The following STK3 variants were observed in gnomAD, a reference collection of about 807,000 sequenced individuals.
The protein encoded by STK3 is serine/threonine-protein kinase 3.
A neutral mutation model predicts 58.0 loss-of-function variants in STK3; 41 were observed. The ratio of observed to expected loss-of-function variants is 0.71; its 90% CI spans 0.55 to 0.92. The LOEUF is 0.92. Among genes scored for constraint, STK3 ranks in the 40% least tolerant of loss-of-function variants. The probability of loss-of-function intolerance (pLI) is 0.00; values close to 1 mark genes in which losing one functional copy is unlikely to be tolerated. For missense variants in STK3, 479 were observed against 602.7 expected (o/e 0.79, Z 2.15); for synonymous variants, 170 against 191.0 (o/e 0.89, Z 0.91).
chr8:98,917,127 C>T (rs35082816), intron 1 of STK3, among the ~76,000 whole-genome samples: 23,562 of 152,162 alleles, frequency 0.15, 2,048 homozygotes, highest in African/African-American at 0.23. Context: ...AGAAAACAGA[C>T]GGAAACCAGT....
In STK3 at chr8:98,428,130, T is replaced by C; in HGVS notation, n.483+5997A>G. Reference sequence around the variant, plus strand: ...CCTGGGCCGCTTGCTGCTCTGCCACTCGCGCGAGGCCATTCTGGAGCTCTG... The same window carrying C: ...CCTGGGCCGCTTGCTGCTCTGCCACCCGCGCGAGGCCATTCTGGAGCTCTG... On this transcript the variant is annotated intron_variant and non_coding_transcript_variant, in intron 3 of 3. Coordinates refer to the STK3 transcript ENST00000517832. The surrounding 1 kb of genome is among the most constrained non-coding windows in gnomAD (Gnocchi z 6.7). 1.2e-6 allele frequency: 2 copies of C among 1,613,850 alleles called. No individual in the cohort carries two copies. Among genetic ancestry groups the C allele is most frequent in the Non-Finnish European group, 1.7e-6 (2 of 1,179,988 alleles).
At chr8:98,757,227 C>T (rs2131390373) in intron 3 of STK3, among the ~76,000 whole-genome samples, 1 of 151,250 alleles carries the variant, frequency 6.6e-6, no homozygotes, top group South Asian at 2.1e-4. Context: ...GTCGCCCAGG[C>T]TAGAGTGCAT....
chr8:98,570,818 A>C (rs1812902193), intron 8 of STK3, among the ~76,000 whole-genome samples: 1 of 152,316 alleles, frequency 6.6e-6, no homozygotes, highest in African/African-American at 2.4e-5. Flanking sequence ...TAACAACTCT[A>C]TTTGCAGATG....
chr8:98,460,341 C>T (rs1408171408), intron 10 of STK3, among the ~76,000 whole-genome samples: 1 of 152,188 alleles, frequency 6.6e-6, no homozygotes. Flanking sequence ...TTATCCAATG[C>T]CTGTACCCCC....
chr8:98,599,984 G>A lies in STK3; in HGVS notation c.685-3815C>T, dbSNP rs185287093. Among the ~76,000 whole-genome samples the A allele has an allele frequency of 7.6e-4, 116 of 152,158 alleles. 1 individual carries two copies. The highest frequency in any genetic ancestry group is 2.8e-3 in the African/African-American group (115 of 41,530). ...ACTCCATCTAAAAAAGAAAAAAAATGTGAATCTAAATTTTTATCACCATTC... is the reference window on the plus strand; with the variant it reads ...ACTCCATCTAAAAAAGAAAAAAAATATGAATCTAAATTTTTATCACCATTC... On this transcript the variant is annotated intron_variant, in intron 6 of 10. Transcript: ENST00000419617.
intron 10 of STK3, among the ~76,000 whole-genome samples, chr8:98,517,730 C>A (rs1406140049): frequency 2.0e-5 from 3 of 151,948 alleles, no homozygotes; most frequent in Admixed American, 6.6e-5. Context: ...TTTTTGAAAT[C>A]GAATGCTTTA....
intron 1 of STK3, among the ~76,000 whole-genome samples, chr8:98,780,434 G>C (rs1336608740): frequency 6.6e-6 from 1 of 152,034 alleles, no homozygotes; most frequent in African/African-American, 2.4e-5. Flanking sequence ...TCACCTACTT[G>C]TTCTTTGCTC....
In STK3 at chr8:98,820,794, G is replaced by A. The variant is rs561560909; in HGVS notation, c.26+4721C>T. On this transcript the variant is annotated intron_variant, in intron 1 of 10. Coordinates refer to ENST00000419617, the MANE Select transcript of STK3 (RefSeq NM_006281.4). ...AGATCGAGACCATCCTGGCTAACAC[G>A]GTAAAACCCCATCTCTACTAAAAAT... Among the ~76,000 whole-genome samples, 8 of 152,210 alleles carry A rather than the reference G, an allele frequency of 5.3e-5. No individual in the cohort carries two copies. The South Asian group carries it at 1.0e-3, about 20-fold the overall frequency.
chr8:98,587,991 T>C (rs1397940685), intron 7 of STK3, among the ~76,000 whole-genome samples: 2 of 152,210 alleles, frequency 1.3e-5, no homozygotes, highest in African/African-American at 4.8e-5. Flanking sequence ...CCTATGTGTG[T>C]CTCTGCACGT....
chr8:98,898,096 G>A (rs1330034118), intron 1 of STK3, among the ~76,000 whole-genome samples: 1 of 152,182 alleles, frequency 6.6e-6, no homozygotes, highest in Admixed American at 6.5e-5. Context: ...GGTTTGCTAG[G>A]AGAAGAAGCA....
chr8:98,881,013 T>A (rs73277897), downstream of STK3: 1 of 152,222 alleles, frequency 6.6e-6, no homozygotes, highest in Non-Finnish European at 1.5e-5. Context: ...AACCTGCATA[T>A]GAATGTTTAG....
At chr8:98,751,113 A>C (rs1829947472) in intron 3 of STK3, among the ~76,000 whole-genome samples, 1 of 152,204 alleles carries the variant, frequency 6.6e-6, no homozygotes, top group Non-Finnish European at 1.5e-5. Context: ...CAAAATAATA[A>C]GAGCCATATA....
chr8:98,471,541 A>T (rs1276265132), intron 10 of STK3, among the ~76,000 whole-genome samples: 3 of 152,066 alleles, frequency 2.0e-5, no homozygotes, highest in African/African-American at 7.2e-5. Context: ...CATCTAACGC[A>T]AAGCCTATTT....
chr8:98,671,475 T>C (rs1797601518), intron 6 of STK3, among the ~76,000 whole-genome samples: 2 of 152,176 alleles, frequency 1.3e-5, no homozygotes, highest in Non-Finnish European at 2.9e-5. Context: ...GGAAATAAAA[T>C]ATTTTATATT....
intron 1 of STK3, among the ~76,000 whole-genome samples, chr8:98,935,608 G>T (rs1377331489): frequency 1.3e-5 from 2 of 152,084 alleles, no homozygotes; most frequent in African/African-American, 2.4e-5. Context: ...TATAATGCAT[G>T]GTACTGTATT....
chr8:98,618,403 C>T (rs1817953002), intron 6 of STK3, among the ~76,000 whole-genome samples: 1 of 152,078 alleles, frequency 6.6e-6, no homozygotes, highest in Admixed American at 6.6e-5. Flanking sequence ...AAAACTGGCA[C>T]AAGATAGGGA....
intron 4 of STK3, among the ~76,000 whole-genome samples, chr8:98,713,030 G>A (rs1488847205): frequency 6.6e-6 from 1 of 152,148 alleles, no homozygotes; most frequent in Non-Finnish European, 1.5e-5. Flanking sequence ...GCTCCTAAAT[G>A]ACTACTGGGT....
intron 3 of STK3, among the ~76,000 whole-genome samples, chr8:98,858,663 G>A (rs1333944269): frequency 6.6e-6 from 1 of 151,796 alleles, no homozygotes; most frequent in Non-Finnish European, 1.5e-5. Context: ...GGAGGCCAAG[G>A]CGGGTGGATC....
At chr8:98,706,664 T>C in intron 5 of STK3, 30 bp from the exon 6 acceptor site, 1 of 1,515,228 alleles carries the variant, frequency 6.6e-7, no homozygotes, top group South Asian at 1.3e-5. Flanking sequence ...CCATAAATGC[T>C]ACTACAAAAG....
Sources: gnomAD v4.1 joint callset for allele counts (sites outside exome capture counted in the v4.1 genomes callset) on GRCh38, gnomAD v4.1.1 for gene constraint, Gnocchi (gnomAD v3.1) non-coding constraint, MANE v1.5 for transcripts, NCBI Gene and HGNC (gene_info 2026-07-23, HGNC 2026-07-21) for gene names.